The following CFAP47 variants were observed in gnomAD, a reference collection of about 807,000 sequenced individuals.
CFAP47 encodes the protein cilia and flagella associated protein 47, also known as cilia- and flagella-associated protein 47.
Under a neutral mutation model 148.1 loss-of-function variants are expected in CFAP47, and 29 were observed. The observed-to-expected ratio is 0.20, with a 90% CI of 0.15 to 0.27. CFAP47 has a LOEUF of 0.27. CFAP47 is among the 10% of genes least tolerant of loss of function. CFAP47 has a pLI of 1.00. For synonymous variants in CFAP47, 664 were observed against 577.3 expected, an observed-to-expected ratio of 1.15 and a Z score of -2.15; for missense variants, 1,872 against 1,697.5, an observed-to-expected ratio of 1.10 and a Z score of -1.81.
At position 36,367,079 on chromosome X, in the gene CFAP47, G is replaced by A; in HGVS notation, c.9137G>A (p.Gly3046Asp). The A allele has an allele frequency of 2.6e-6, 3 of 1,159,726 alleles. No homozygotes were observed. The highest frequency in any genetic ancestry group is 2.3e-6 in the Non-Finnish European group (2 of 867,862). The change falls in exon 62 of 64, where the codon GGT becomes GAT. Residue 3046 changes from glycine (G) to aspartate (D), a missense_variant. Transcript: ENST00000378653. ...TDAVIDIEGV[G>D]LFKESVFELR... ...GCTGTCATTGACATTGAAGGAGTTGGTTTATTTAAGGAATCTGTTTTTGAA... is the reference window on the plus strand; with the variant it reads ...GCTGTCATTGACATTGAAGGAGTTGATTTATTTAAGGAATCTGTTTTTGAA...
intron 49 of CFAP47, among the ~76,000 whole-genome samples, chrX:36,278,673 C>T (rs1318572573): frequency 8.9e-6 from 1 of 112,283 alleles, no homozygotes; most frequent in African/African-American, 3.2e-5. Context: ...TCTTCTGCGT[C>T]GATCATGCTG....
At chrX:36,377,954 T>C (rs1182202884) in intron 62 of CFAP47, among the ~76,000 whole-genome samples, 1 of 111,597 alleles carries the variant, frequency 9.0e-6, no homozygotes, top group Non-Finnish European at 1.9e-5. Context: ...AAAGCTATGG[T>C]TCCAATCCGC....
chrX:36,049,489 C>CTCTT (rs35974603), intron 26 of CFAP47, among the ~76,000 whole-genome samples: 1,912 of 12,710 alleles, frequency 0.15, 34 homozygotes, highest in African/African-American at 0.41. Context: ...TTCTCTCTCT[C>CTCTT]ACACACACAC....
chrX:36,251,637 A>G (rs1940694174), intron 49 of CFAP47, among the ~76,000 whole-genome samples, 193 bp downstream of exon 49: 1 of 111,536 alleles, frequency 9.0e-6, no homozygotes, highest in African/African-American at 3.2e-5. Flanking sequence ...GTCTAGTGCT[A>G]TATTATCTTG....
intron 40 of CFAP47, among the ~76,000 whole-genome samples, chrX:36,185,455 G>A (rs1296380093): frequency 9.0e-6 from 1 of 111,303 alleles, no homozygotes; most frequent in Non-Finnish European, 1.9e-5. Context: ...GTGAATTGAA[G>A]GCCAAGTATG....
At chrX:35,999,676 A>G (rs777560037) in intron 19 of CFAP47, among the ~76,000 whole-genome samples, 1 of 112,415 alleles carries the variant, frequency 8.9e-6, no homozygotes, top group African/African-American at 3.2e-5. Context: ...TTTATTAGGC[A>G]ATTGCAAGTT....
At chrX:36,212,625 T>G (rs1197283024) in intron 45 of CFAP47, among the ~76,000 whole-genome samples, 6 of 111,086 alleles carry the variant, frequency 5.4e-5, no homozygotes, top group African/African-American at 2.0e-4. Flanking sequence ...TTTAGTTAAA[T>G]ATATTCCTAT....
At chrX:36,171,784 A>C (rs1939583429) in intron 39 of CFAP47, among the ~76,000 whole-genome samples, 1 of 111,442 alleles carries the variant, frequency 9.0e-6, no homozygotes, top group South Asian at 3.8e-4. Flanking sequence ...GATGCGGGCT[A>C]TTTTTTGGTT....
intron 25 of CFAP47, among the ~76,000 whole-genome samples, chrX:36,040,478 C>T (rs987741382): frequency 1.8e-5 from 2 of 111,213 alleles, no homozygotes; most frequent in African/African-American, 6.5e-5. Context: ...TTGCACGTTA[C>T]AATTAGAGAA....
chrX:36,236,570 A>G (rs987425492), intron 47 of CFAP47, 116 bp from the exon 48 acceptor site: 2 of 418,773 alleles, frequency 4.8e-6, no homozygotes, highest in Non-Finnish European at 8.4e-6. Flanking sequence ...GTCAATGGCT[A>G]ACACCTCTCT....
At chrX:36,276,959 AG>A (rs1277593491) in intron 49 of CFAP47, among the ~76,000 whole-genome samples, 1 of 111,228 alleles carries the variant, frequency 9.0e-6, no homozygotes, top group Non-Finnish European at 1.9e-5. Flanking sequence ...ATTTTGAGGG[AG>A]TTGGGAGGAG....
chrX:35,939,515 A>C (rs1222378522), intron 2 of CFAP47, among the ~76,000 whole-genome samples: 1 of 93,133 alleles, frequency 1.1e-5, no homozygotes, highest in Non-Finnish European at 2.1e-5. Context: ...TCATTGTTCA[A>C]TTCCCACATA....
chrX:36,167,619 A>G (rs1056958828), intron 39 of CFAP47, among the ~76,000 whole-genome samples: 1 of 111,333 alleles, frequency 9.0e-6, no homozygotes, highest in Non-Finnish European at 1.9e-5. Context: ...CCTTAGCAAC[A>G]TGTACTGAGG....
rs1482025066 is a variant in CFAP47 at position 35,971,735 on chromosome X, G to T, written c.2120G>T (p.Gly707Val). Residue 707 changes from glycine (G) to valine (V), a missense_variant, in exon 12 of 64, where the codon GGT (glycine) becomes GTT (valine). By Grantham distance (109) the Gly-to-Val change is moderately radical. Coordinates refer to ENST00000378653, the MANE Select transcript of CFAP47 (RefSeq NM_001304548.2). Reference sequence around the variant, plus strand: ...GCGAATCGATTGTTAACCACCAGGGGTATAGCATCTCAGGAGGAAGAGTCT... The same window carrying T: ...GCGAATCGATTGTTAACCACCAGGGTTATAGCATCTCAGGAGGAAGAGTCT... The part of the protein sequence containing the change: ...IRANRLLTTR[G>V]IASQEEESVR... The T allele has an allele frequency of 8.3e-6, 10 of 1,209,014 alleles. No individual in the cohort carries two copies. Among genetic ancestry groups the T allele is most frequent in the East Asian group, 3.0e-5 (1 of 33,740 alleles).
intron 59 of CFAP47, among the ~76,000 whole-genome samples, chrX:36,351,253 A>G (rs1556017453): frequency 8.9e-6 from 1 of 112,032 alleles, no homozygotes. Context: ...TCCTTGAAGC[A>G]TTTTTATTCT....
intron 52 of CFAP47, among the ~76,000 whole-genome samples, chrX:36,300,509 T>A (rs1556007622): frequency 9.0e-6 from 1 of 111,002 alleles, no homozygotes; most frequent in Non-Finnish European, 1.9e-5. Context: ...CAGGCTGGTC[T>A]CGAACTCCTG....
intron 21 of CFAP47, among the ~76,000 whole-genome samples, chrX:36,006,238 G>C (rs1230541471): frequency 9.0e-6 from 1 of 110,692 alleles, no homozygotes; most frequent in Admixed American, 9.7e-5. Context: ...TAGGATTCTA[G>C]AAATTGATCA....
At chrX:36,098,465 C>A in intron 30 of CFAP47, among the ~76,000 whole-genome samples, 1 of 111,078 alleles carries the variant, frequency 9.0e-6, no homozygotes, top group East Asian at 2.9e-4. Flanking sequence ...CCCCCAGACC[C>A]CAGGTGGGTC....
intron 49 of CFAP47, among the ~76,000 whole-genome samples, chrX:36,258,030 G>T (rs1226605129): frequency 8.9e-6 from 1 of 111,960 alleles, no homozygotes; most frequent in African/African-American, 3.2e-5. Flanking sequence ...AATTCAGCTT[G>T]TATTTTGTTT....
Sources: gnomAD v4.1 joint callset for allele counts (sites outside exome capture counted in the v4.1 genomes callset) on GRCh38, gnomAD v4.1.1 for gene constraint, MANE v1.5 for transcripts, NCBI Gene and HGNC (gene_info 2026-07-23, HGNC 2026-07-21) for gene names.